The following RPTOR variants were observed in gnomAD, a reference collection of about 807,000 sequenced individuals.
RPTOR encodes regulatory associated protein of MTOR complex 1, also known as regulatory-associated protein of mTOR.
A neutral mutation model predicts 169.9 loss-of-function variants in RPTOR; 21 were observed. That is an observed-to-expected ratio of 0.12 (90% CI 0.09 to 0.18). The LOEUF (loss-of-function observed/expected upper bound fraction) is 0.18, where lower values mean the gene tolerates loss of function less well. Ranked by LOEUF, RPTOR falls within the 10% of genes least tolerant of loss-of-function variation. RPTOR has a pLI of 1.00. For synonymous variants in RPTOR, 732 were observed against 753.2 expected, an observed-to-expected ratio of 0.97 and a Z score of 0.46; for missense variants, 1,133 against 1,855.9, an observed-to-expected ratio of 0.61 and a Z score of 7.16.
chr17:80,888,080 G>A (rs577450519), intron 17 of RPTOR, among the ~76,000 whole-genome samples: 27 of 152,236 alleles, frequency 1.8e-4, no homozygotes, highest in East Asian at 5.8e-4. Flanking sequence ...TCATGGCCTC[G>A]GGAGGAAATA....
chr17:80,847,526 TG>T (rs1367201893), intron 11 of RPTOR, among the ~76,000 whole-genome samples: 1 of 152,168 alleles, frequency 6.6e-6, no homozygotes, highest in Non-Finnish European at 1.5e-5. Context: ...TTTTTGTGAT[TG>T]GGGTGGTGCA....
chr17:80,559,475 G>A (rs1445149890), intron 1 of RPTOR, among the ~76,000 whole-genome samples: 1 of 152,206 alleles, frequency 6.6e-6, no homozygotes, highest in Non-Finnish European at 1.5e-5. Context: ...TTTTCTCCAA[G>A]GAGCCTGGTT....
Position 80,747,078 on chromosome 17 carries a change from G to A in RPTOR, c.655-6932G>A, listed in dbSNP as rs547899559. On this transcript the variant is annotated intron_variant, in intron 5 of 33. Transcript: ENST00000306801. The stretch of plus-strand genomic sequence containing the variant: ...ACTAAAATACAAAAATTCGCTGGGT[G>A]TGGTGGCACTCGCCTGTGATCCCAG... Among the ~76,000 whole-genome samples, 12 of 152,300 alleles carry A rather than the reference G, an allele frequency of 7.9e-5. No individual in the cohort carries two copies. The South Asian group carries it at 2.5e-3, about 32-fold the overall frequency.
chr17:80,962,100 C>T (rs1000114566), intron 31 of RPTOR, among the ~76,000 whole-genome samples: 2 of 152,308 alleles, frequency 1.3e-5, no homozygotes, highest in East Asian at 1.9e-4. Context: ...CTCTGTCTCC[C>T]GGGACTGCAG....
At chr17:80,767,771 T>C (rs540670374) in intron 6 of RPTOR, among the ~76,000 whole-genome samples, 97 of 152,374 alleles carry the variant, frequency 6.4e-4, no homozygotes, top group African/African-American at 2.2e-3. Flanking sequence ...AACTGTTGAC[T>C]AATTTGACCA....
intron 5 of RPTOR, chr17:80,743,549 G>A: frequency 1.5e-6 from 1 of 659,862 alleles, no homozygotes. Context: ...CAGTTCTTGG[G>A]AAAGGTGCCT....
intron 6 of RPTOR, among the ~76,000 whole-genome samples, chr17:80,770,231 T>C (rs2066828846): frequency 6.6e-6 from 1 of 152,186 alleles, no homozygotes; most frequent in South Asian, 2.1e-4. Flanking sequence ...TAAATAAGGT[T>C]GCTAAAATCC....
At chr17:80,899,825 AG>A (rs2068452948) in intron 20 of RPTOR, among the ~76,000 whole-genome samples, 1 of 152,210 alleles carries the variant, frequency 6.6e-6, no homozygotes, top group African/African-American at 2.4e-5. Flanking sequence ...AAAAAGTATA[AG>A]AACCATACAC....
chr17:80,927,420 A>G (rs1464858325), intron 24 of RPTOR, among the ~76,000 whole-genome samples: 2 of 152,326 alleles, frequency 1.3e-5, no homozygotes, highest in East Asian at 1.9e-4. Flanking sequence ...AAAAATGCCT[A>G]TTCTCAGTCA....
chr17:80,614,085 C>A (rs961252764), intron 1 of RPTOR, among the ~76,000 whole-genome samples: 11 of 152,322 alleles, frequency 7.2e-5, no homozygotes, highest in African/African-American at 2.6e-4. Flanking sequence ...TGGACACTCT[C>A]TTCATGTCAG....
chr17:80,898,684 C>G (rs2068437661), intron 20 of RPTOR, among the ~76,000 whole-genome samples: 1 of 122,862 alleles, frequency 8.1e-6, no homozygotes, highest in African/African-American at 3.0e-5. Context: ...CCACCCCCCG[C>G]CGCCCCGACT....
At chr17:80,622,205 A>G (rs1440937354) in intron 1 of RPTOR, among the ~76,000 whole-genome samples, 1 of 152,222 alleles carries the variant, frequency 6.6e-6, no homozygotes, top group African/African-American at 2.4e-5. Flanking sequence ...AACTTGCGCC[A>G]GGGTTTGAAT....
Position 80,544,852 on chromosome 17 carries a change from G to GCGT in RPTOR, c.-776_-774dup, listed in dbSNP as rs1309048957. 9.2e-6 allele frequency: 2 copies of GCGT among 217,802 alleles called. No homozygotes were observed. The highest frequency in any genetic ancestry group is 1.3e-4 in the East Asian group (2 of 14,828). The allele number at this position is 217,802 out of a possible 1,614,324, so 13.5% of individuals were successfully genotyped here. On this transcript the variant is annotated 5_prime_UTR_variant, in exon 1 of 34. Transcript: ENST00000306801. Reference sequence around the variant, plus strand: ...GTGCATTCTGGGTCCTGGCAATATGGCGTCCTCCTTGATGGGCTGATGAGA... The same window carrying GCGT: ...GTGCATTCTGGGTCCTGGCAATATGGCGTCGTCCTCCTTGATGGGCTGATGAGA...
chr17:80,696,261 T>C (rs1416994128), intron 3 of RPTOR, among the ~76,000 whole-genome samples: 1 of 152,196 alleles, frequency 6.6e-6, no homozygotes, highest in Admixed American at 6.5e-5. Flanking sequence ...AGGAAAAGAT[T>C]ACACAGAATG....
intron 9 of RPTOR, among the ~76,000 whole-genome samples, chr17:80,828,017 C>T (rs959134581): frequency 1.1e-4 from 16 of 152,216 alleles, no homozygotes; most frequent in African/African-American, 3.9e-4. Context: ...CGTGCTGAGT[C>T]ATGGGATGTA....
chr17:80,745,476 C>A (rs2066563300), intron 5 of RPTOR, among the ~76,000 whole-genome samples: 1 of 151,738 alleles, frequency 6.6e-6, no homozygotes, highest in African/African-American at 2.4e-5. Context: ...AAATTAAAAT[C>A]TAATATTTGA....
At chr17:80,546,787 C>T (rs1263591322) in intron 1 of RPTOR, among the ~76,000 whole-genome samples, 6 of 152,116 alleles carry the variant, frequency 3.9e-5, no homozygotes, top group Admixed American at 3.9e-4. Context: ...GGCGCGGTGG[C>T]TCACGCCTGT....
At position 80,964,551 on chromosome 17, in the gene RPTOR, T is replaced by G; in HGVS notation, c.*221T>G. 1.7e-6 allele frequency: 1 copy of G among 585,792 alleles called. No homozygotes were observed. The highest frequency in any genetic ancestry group is 2.0e-5 in the South Asian group (1 of 49,414). The allele number at this position is 585,792 out of a possible 1,614,324, so 36.3% of individuals were successfully genotyped here. On this transcript the variant is annotated 3_prime_UTR_variant, in exon 34 of 34. Transcript: ENST00000306801. ...GGGGAGGGCTCGGGTTGACGGTGGC[T>G]TCCCACTGAGCACCAGCATCCAGGT... is the stretch of plus-strand genomic sequence containing the variant.
chr17:80,552,334 G>T (rs2084355961), intron 1 of RPTOR, among the ~76,000 whole-genome samples: 1 of 152,156 alleles, frequency 6.6e-6, no homozygotes, highest in African/African-American at 2.4e-5. Context: ...CTCCTGGAAT[G>T]CTTTTCTCTC....
Sources: gnomAD v4.1 joint callset for allele counts (sites outside exome capture counted in the v4.1 genomes callset) on GRCh38, gnomAD v4.1.1 for gene constraint, MANE v1.5 for transcripts, NCBI Gene and HGNC (gene_info 2026-07-23, HGNC 2026-07-21) for gene names.